The following MIPEP variants were observed in gnomAD, a reference collection of about 807,000 sequenced individuals.
The protein encoded by MIPEP is mitochondrial intermediate peptidase.
Under a neutral mutation model 90.3 loss-of-function variants are expected in MIPEP, and 79 were observed. The ratio of observed to expected loss-of-function variants is 0.87; its 90% CI spans 0.73 to 1.05. MIPEP has a LOEUF of 1.05. MIPEP is among the 50% of genes least tolerant of loss of function. The probability of loss-of-function intolerance (pLI) is 0.00; values close to 1 mark genes in which losing one functional copy is unlikely to be tolerated. For missense variants in MIPEP, 940 were observed against 905.6 expected (o/e 1.04, Z -0.49); for synonymous variants, 334 against 315.8 (o/e 1.06, Z -0.61).
chr13:23,765,916 T>C (rs938879881), intron 16 of MIPEP: 5 of 152,212 alleles, frequency 3.3e-5, no homozygotes, highest in Admixed American at 3.3e-4. Flanking sequence ...AGGGTAAGAA[T>C]GGTAGTGAAA....
In MIPEP at chr13:23,740,684, C is replaced by T. The variant is rs150743144; in HGVS notation, c.2045-10239G>A. Among the ~76,000 whole-genome samples the T allele has an allele frequency of 4.4e-3, 671 of 152,290 alleles. 3 individuals carry two copies. The highest frequency in any genetic ancestry group is 0.015 in the African/African-American group (642 of 41,546). On this transcript the variant is annotated intron_variant, in intron 18 of 18. Coordinates refer to ENST00000382172, the MANE Select transcript of MIPEP (RefSeq NM_005932.4). ...TCCGATTCATAAAGTCTGGGTGATA[C>T]ACAAGCAAGCTTTAATGCCTGATTT...
At chr13:23,780,407 G>A (rs531234309) in intron 16 of MIPEP, among the ~76,000 whole-genome samples, 1 of 152,260 alleles carries the variant, frequency 6.6e-6, no homozygotes, top group East Asian at 1.9e-4. Context: ...ACTGTTAGAA[G>A]GAAAACTAAC....
At chr13:23,857,749 A>G (rs1277964148) in intron 10 of MIPEP, among the ~76,000 whole-genome samples, 2 of 152,192 alleles carry the variant, frequency 1.3e-5, no homozygotes, top group Non-Finnish European at 2.9e-5. Context: ...TCAAAACACT[A>G]ATTGATCTTA....
At chr13:23,885,746 A>C (rs557649750) in intron 2 of MIPEP, among the ~76,000 whole-genome samples, 21 of 151,992 alleles carry the variant, frequency 1.4e-4, no homozygotes, top group African/African-American at 5.1e-4. Flanking sequence ...TTAAAAAAAA[A>C]AAAGCATTCC....
chr13:23,879,870 T>C (rs1778075882), intron 3 of MIPEP, among the ~76,000 whole-genome samples: 1 of 152,100 alleles, frequency 6.6e-6, no homozygotes, highest in African/African-American at 2.4e-5. Flanking sequence ...ACATTTCCTA[T>C]GTGAATGAAC....
intron 16 of MIPEP, among the ~76,000 whole-genome samples, chr13:23,775,109 C>CTCTGTGTGTGTGTGTG (rs1375320068): frequency 2.0e-5 from 3 of 149,094 alleles, no homozygotes; most frequent in African/African-American, 7.4e-5. Context: ...TATCAGTTCT[C>CTCTGTGTGTGTGTGTG]TGTGTGTGTG....
At chr13:23,753,238 A>AAAT (rs1555231233) in intron 18 of MIPEP, among the ~76,000 whole-genome samples, 88 of 143,190 alleles carry the variant, frequency 6.1e-4, no homozygotes, top group African/African-American at 1.0e-3. Flanking sequence ...AAAAAAAAAA[A>AAAT]AATAATAATA....
intron 16 of MIPEP, among the ~76,000 whole-genome samples, chr13:23,794,878 A>C (rs1039339765): frequency 6.6e-6 from 1 of 152,220 alleles, no homozygotes; most frequent in African/African-American, 2.4e-5. Flanking sequence ...AATTTATAAC[A>C]CTTCTGTGTT....
chr13:23,820,850 A>G (rs1953297851), intron 14 of MIPEP, among the ~76,000 whole-genome samples: 3 of 152,254 alleles, frequency 2.0e-5, no homozygotes, highest in Admixed American at 6.5e-5. Context: ...CCTTATGGCC[A>G]GGGAACAAAT....
At chr13:23,809,727 G>T in intron 15 of MIPEP, 123 bp downstream of exon 15, 1 of 646,544 alleles carries the variant, frequency 1.5e-6, no homozygotes, top group Non-Finnish European at 2.6e-6. Flanking sequence ...TTTGAACTCA[G>T]ATGAAAGATG....
chr13:23,882,060 ATTCTTTCT>A (rs66620392), intron 2 of MIPEP, among the ~76,000 whole-genome samples: 1 of 146,484 alleles, frequency 6.8e-6, no homozygotes, highest in Non-Finnish European at 1.5e-5. Context: ...CACCAAGCAA[ATTCTTTCT>A]TTCTTTTTTT....
At chr13:23,863,069 T>C (rs2137504231) in intron 8 of MIPEP, among the ~76,000 whole-genome samples, 1 of 152,248 alleles carries the variant, frequency 6.6e-6, no homozygotes, top group South Asian at 2.1e-4. Context: ...GAAGAATGAG[T>C]TCTAAGGCAT....
intron 2 of MIPEP, among the ~76,000 whole-genome samples, chr13:23,882,248 A>G (rs1871302605): frequency 6.6e-6 from 1 of 152,010 alleles, no homozygotes; most frequent in African/African-American, 2.4e-5. Context: ...CTTTATTTCA[A>G]AAGAGCAGAC....
chr13:23,835,012 T>C (rs1868967295), intron 14 of MIPEP, among the ~76,000 whole-genome samples: 1 of 147,886 alleles, frequency 6.8e-6, no homozygotes, highest in African/African-American at 2.5e-5. Context: ...ATCCAGAATA[T>C]CATCCATTAT....
At chr13:23,753,994 G>A (rs904804030) in intron 18 of MIPEP, among the ~76,000 whole-genome samples, 10 of 152,074 alleles carry the variant, frequency 6.6e-5, no homozygotes, top group African/African-American at 2.4e-4. Flanking sequence ...TTTGAAGGCA[G>A]GTGTTCTATT....
chr13:23,750,621 G>A (rs9580746), intron 18 of MIPEP, among the ~76,000 whole-genome samples: 2,909 of 152,162 alleles, frequency 0.019, 103 homozygotes, highest in African/African-American at 0.066. Flanking sequence ...CATTTCCCCC[G>A]CTGTCTCTAG....
chr13:23,858,636 C>T (rs1202219112), intron 10 of MIPEP, among the ~76,000 whole-genome samples: 1 of 151,966 alleles, frequency 6.6e-6, no homozygotes, highest in Non-Finnish European at 1.5e-5. Flanking sequence ...AACCAGAAAG[C>T]TACGCAAGGG....
chr13:23,775,732 C>A (rs188956637), intron 16 of MIPEP, among the ~76,000 whole-genome samples: 14 of 152,130 alleles, frequency 9.2e-5, no homozygotes, highest in Non-Finnish European at 2.1e-4. Context: ...AAAAACCAAA[C>A]CAAAAACAGT....
At chr13:23,886,277 T>C (rs1871475379) in intron 2 of MIPEP, 56 bp downstream of exon 2, 1 of 1,324,980 alleles carries the variant, frequency 7.5e-7, no homozygotes, top group Non-Finnish European at 9.9e-7. Context: ...AAATTTCACT[T>C]AAATTTTAAC....
Sources: gnomAD v4.1 joint callset for allele counts (sites outside exome capture counted in the v4.1 genomes callset) on GRCh38, gnomAD v4.1.1 for gene constraint, MANE v1.5 for transcripts, NCBI Gene and HGNC (gene_info 2026-07-23, HGNC 2026-07-21) for gene names.